Variants in RCAN1 observed in about 807,000 individuals in gnomAD.
The protein encoded by RCAN1 is regulator of calcineurin 1.
A neutral mutation model predicts 22.9 loss-of-function variants in RCAN1; 11 were observed. The observed-to-expected ratio is 0.48, with a 90% CI of 0.30 to 0.79. The LOEUF is 0.79. Ranked by LOEUF, RCAN1 falls within the 30% of genes least tolerant of loss-of-function variation. RCAN1 has a pLI of 0.06. For synonymous variants in RCAN1, 136 were observed against 142.3 expected (o/e 0.96, Z 0.32); for missense variants, 291 against 337.8 (o/e 0.86, Z 1.09).
intron 1 of RCAN1, among the ~76,000 whole-genome samples, chr21:34,583,507 G>C (rs939796700): frequency 3.1e-4 from 47 of 152,160 alleles, no homozygotes; most frequent in Admixed American, 3.1e-3. Context: ...AATCTGATCG[G>C]TGTCTTTGTA....
At chr21:34,598,528 C>T (rs990963116) in intron 1 of RCAN1, among the ~76,000 whole-genome samples, 8 of 152,222 alleles carry the variant, frequency 5.3e-5, no homozygotes, top group African/African-American at 1.7e-4. Flanking sequence ...ACTCACTCCT[C>T]ATACCAGAAT....
chr21:34,558,169 T>C (rs1291827819), intron 1 of RCAN1, among the ~76,000 whole-genome samples: 1 of 152,216 alleles, frequency 6.6e-6, no homozygotes, highest in Non-Finnish European at 1.5e-5. Context: ...GGCTATTCCA[T>C]AAAAGAGATT....
In RCAN1 at chr21:34,520,801, T is replaced by G. The variant is rs113934225; in HGVS notation, c.586+698A>C. Among the ~76,000 whole-genome samples the G allele has an allele frequency of 3.3e-3, 500 of 152,336 alleles. 4 individuals are homozygous for G. Among genetic ancestry groups the G allele is most frequent in the African/African-American group, 0.011 (475 of 41,574 alleles). The stretch of plus-strand genomic sequence containing the variant: ...ACACTGACTGTGAGCCAGGTGCTGA[T>G]GGAAGTGCCTTTCACTCGATGATCT... On this transcript the variant is annotated intron_variant, in intron 3 of 3. Transcript: ENST00000313806.
chr21:34,531,622 T>C (rs866164501), intron 1 of RCAN1, among the ~76,000 whole-genome samples: 1 of 152,222 alleles, frequency 6.6e-6, no homozygotes, highest in Non-Finnish European at 1.5e-5. Context: ...TCCCGCTGTA[T>C]AAGCTTCAGT....
intron 1 of RCAN1, among the ~76,000 whole-genome samples, chr21:34,578,069 C>A (rs1248879302): frequency 1.3e-5 from 2 of 152,076 alleles, no homozygotes; most frequent in East Asian, 1.9e-4. Flanking sequence ...AGTACAGGGA[C>A]CAATAAGATG....
intron 1 of RCAN1, among the ~76,000 whole-genome samples, chr21:34,583,031 C>T (rs981548999): frequency 2.0e-5 from 3 of 152,242 alleles, no homozygotes; most frequent in African/African-American, 4.8e-5. Context: ...TTCCTGCAGA[C>T]ACTCTGAATA....
intron 1 of RCAN1, among the ~76,000 whole-genome samples, chr21:34,599,549 C>T (rs1275193447): frequency 1.3e-5 from 2 of 152,124 alleles, no homozygotes; most frequent in Non-Finnish European, 2.9e-5. Context: ...ATATAGTATG[C>T]AATCTAATAC....
intron 1 of RCAN1, among the ~76,000 whole-genome samples, chr21:34,537,191 C>G (rs1333903673): frequency 1.3e-5 from 2 of 152,228 alleles, no homozygotes; most frequent in African/African-American, 4.8e-5. Flanking sequence ...TGGATATTAT[C>G]TCTGTCCACC....
rs181376788 is a variant in RCAN1, at chr21:34,581,044, G to A, written c.252+33716C>T. 2.3e-4 allele frequency among the ~76,000 whole-genome samples: 35 copies of A among 152,210 alleles called. 1 individual carries two copies. The highest frequency in any genetic ancestry group is 3.3e-4 in the Admixed American group (5 of 15,280). On this transcript the variant is annotated intron_variant, in intron 1 of 3. Transcript: ENST00000313806. ...GAGAACCACCCAGAAGTCACGAGTC[G>A]GGAGTTCTAAGTCCTTGTGGAGATG...
intron 1 of RCAN1, among the ~76,000 whole-genome samples, chr21:34,528,517 G>C: frequency 6.6e-6 from 1 of 152,230 alleles, no homozygotes; most frequent in East Asian, 1.9e-4. Flanking sequence ...TGCTTCGAGA[G>C]GGAATGTGTA....
intron 1 of RCAN1, among the ~76,000 whole-genome samples, chr21:34,581,107 G>A (rs923642374): frequency 1.3e-5 from 2 of 152,090 alleles, no homozygotes; most frequent in African/African-American, 4.8e-5. Context: ...AGTCTCTACA[G>A]GGAAAACCAC....
chr21:34,542,330 G>A (rs1985947933), intron 1 of RCAN1, among the ~76,000 whole-genome samples: 1 of 152,110 alleles, frequency 6.6e-6, no homozygotes, highest in Non-Finnish European at 1.5e-5. Context: ...CCAAGTTTAG[G>A]TCATAAAAAG....
chr21:34,525,158 T>C (rs1197168634), intron 1 of RCAN1: 1 of 1,550,300 alleles, frequency 6.5e-7, no homozygotes, highest in East Asian at 2.4e-5. Flanking sequence ...GAGGAGAGTG[T>C]CTTCAGGAAT....
intron 1 of RCAN1, among the ~76,000 whole-genome samples, chr21:34,569,309 T>C (rs1465171208): frequency 6.6e-6 from 1 of 152,202 alleles, no homozygotes; most frequent in Non-Finnish European, 1.5e-5. Context: ...GAGAGAGAAT[T>C]TTTTTAGACT....
chr21:34,546,815 G>A (rs773581299), intron 1 of RCAN1, among the ~76,000 whole-genome samples: 7 of 152,184 alleles, frequency 4.6e-5, no homozygotes, highest in East Asian at 1.9e-4. Flanking sequence ...GAAAAAGAGC[G>A]TGTTTTTCCC....
intron 2 of RCAN1, chr21:34,522,736 G>A (rs1984674034): frequency 6.8e-6 from 1 of 148,050 alleles, no homozygotes; most frequent in South Asian, 2.1e-4. Context: ...GGTGGGGGCG[G>A]GTTGGGGGGG....
chr21:34,539,088 TCAAA>T (rs1205340606), intron 1 of RCAN1, among the ~76,000 whole-genome samples: 3 of 152,134 alleles, frequency 2.0e-5, no homozygotes, highest in Non-Finnish European at 4.4e-5. Context: ...AGCGGTAAAT[TCAAA>T]CAGTTTAAAC....
At chr21:34,603,043 G>A (rs1168704109) in intron 1 of RCAN1, among the ~76,000 whole-genome samples, 2 of 152,074 alleles carry the variant, frequency 1.3e-5, no homozygotes, top group Non-Finnish European at 2.9e-5. Context: ...TCTGCTGGAG[G>A]GAGAGGGGTG....
intron 2 of RCAN1, 151 bp from the exon 3 acceptor site, chr21:34,521,809 A>G (rs1414267243): frequency 9.2e-6 from 6 of 650,316 alleles, no homozygotes; most frequent in Non-Finnish European, 1.6e-5. Context: ...GATGGTCTGT[A>G]ATGGGGAGGG....
Sources: gnomAD v4.1 joint callset for allele counts (sites outside exome capture counted in the v4.1 genomes callset) on GRCh38, gnomAD v4.1.1 for gene constraint, MANE v1.5 for transcripts, NCBI Gene and HGNC (gene_info 2026-07-23, HGNC 2026-07-21) for gene names.